The following UTS2 variants were observed in gnomAD, a reference collection of about 807,000 sequenced individuals.
UTS2 encodes urotensin 2, also known as urotensin-2.
In UTS2, 10 loss-of-function variants were observed where a neutral mutation model predicts 12.6. The observed-to-expected ratio is 0.80, with a 90% CI of 0.49 to 1.35. UTS2 has a LOEUF of 1.35. UTS2 is among the 40% of genes most tolerant of loss of function. The pLI, the probability that UTS2 is intolerant of heterozygous loss-of-function variation, is 0.00. For synonymous variants in UTS2, 52 were observed against 50.0 expected (o/e 1.04, Z -0.17); for missense variants, 142 against 143.2 (o/e 0.99, Z 0.04).
At chr1:7,861,915 CTT>C in the UTS2 span, among the ~76,000 whole-genome samples, 6 of 142,962 alleles carry the variant, frequency 4.2e-5, no homozygotes, top group African/African-American at 1.5e-4. Flanking sequence ...CAAAACACCT[CTT>C]TTTTTTTTTT....
chr1:7,879,627 G>A, the UTS2 span, among the ~76,000 whole-genome samples: 1 of 152,136 alleles, frequency 6.6e-6, no homozygotes. Context: ...TGTAGTTCTA[G>A]CTACTTGGGT....
At chr1:7,902,199 C>CTCT in the UTS2 span, among the ~76,000 whole-genome samples, 1 of 152,078 alleles carries the variant, frequency 6.6e-6, no homozygotes, top group Admixed American at 6.6e-5. Flanking sequence ...TATCTCTGCC[C>CTCT]CCGGGTGAGG....
the UTS2 span, among the ~76,000 whole-genome samples, chr1:7,859,237 T>C: frequency 1.7e-3 from 254 of 152,246 alleles, 4 homozygotes; most frequent in East Asian, 0.042. Flanking sequence ...AGATAGACTT[T>C]TAATTTATAT....
At chr1:7,849,513 G>T in intron 3 of UTS2, 127 bp downstream of exon 3, 1 of 876,244 alleles carries the variant, frequency 1.1e-6, no homozygotes, top group Non-Finnish European at 1.7e-6. Context: ...GCCTGGTCAT[G>T]CTGGCCAATT....
chr1:7,877,297 A>C, the UTS2 span, among the ~76,000 whole-genome samples: 1 of 152,194 alleles, frequency 6.6e-6, no homozygotes, highest in South Asian at 2.1e-4. Context: ...AGAATTCAAA[A>C]GTATGCTATA....
the UTS2 span, among the ~76,000 whole-genome samples, chr1:7,872,305 AAAAAAAAAAAAAAAGG>A: frequency 6.8e-6 from 1 of 146,512 alleles, no homozygotes; most frequent in Non-Finnish European, 1.5e-5. Flanking sequence ...GTCTCAAAAA[AAAAAAAAAAAAAAAGG>A]AAAAGAAAAA....
chr1:7,904,086 T>A, the UTS2 span, among the ~76,000 whole-genome samples: 5 of 152,172 alleles, frequency 3.3e-5, no homozygotes, highest in African/African-American at 7.2e-5. Flanking sequence ...AATAAATTTA[T>A]CTTACAATAT....
chr1:7,849,463 G>A (rs1045177578), intron 3 of UTS2, among the ~76,000 whole-genome samples, 177 bp downstream of exon 3: 26 of 151,942 alleles, frequency 1.7e-4, no homozygotes, highest in East Asian at 1.4e-3. Context: ...CGCCCGCCTC[G>A]GCCTCCCAAA....
chr1:7,848,072 C>A (rs758190955), intron 3 of UTS2, among the ~76,000 whole-genome samples, 190 bp from the exon 4 acceptor site: 19 of 152,168 alleles, frequency 1.2e-4, no homozygotes, highest in Admixed American at 2.6e-4. Flanking sequence ...CACCTCCCTA[C>A]CTCTAATGAG....
intron 3 of UTS2, among the ~76,000 whole-genome samples, chr1:7,849,164 T>C (rs190675068): frequency 1.3e-5 from 2 of 152,126 alleles, no homozygotes; most frequent in Admixed American, 1.3e-4. Context: ...TCAGATCTTA[T>C]ATCAATCAAA....
At chr1:7,871,453 C>T in the UTS2 span, among the ~76,000 whole-genome samples, 3 of 152,190 alleles carry the variant, frequency 2.0e-5, no homozygotes, top group Non-Finnish European at 4.4e-5. Context: ...CTGCACCCCA[C>T]AATGTGCTGT....
the UTS2 span, among the ~76,000 whole-genome samples, chr1:7,896,321 T>C: frequency 6.6e-6 from 1 of 152,000 alleles, no homozygotes; most frequent in African/African-American, 2.4e-5. Flanking sequence ...GATGGATTAA[T>C]TAAGACAGAG....
At chr1:7,906,508 A>AAAG in the UTS2 span, among the ~76,000 whole-genome samples, 16 of 150,364 alleles carry the variant, frequency 1.1e-4, no homozygotes, top group Non-Finnish European at 2.2e-4. Context: ...AGAAAGAAAG[A>AAAG]AAAGAGGGAG....
chr1:7,905,454 G>A, the UTS2 span, among the ~76,000 whole-genome samples: 8,796 of 150,352 alleles, frequency 0.059, 846 homozygotes, highest in African/African-American at 0.2. Context: ...TAATTAACAT[G>A]TATTAGGTTG....
At chr1:7,853,171 A>C, upstream of UTS2, 1 of 1,501,600 alleles carries the variant, frequency 6.7e-7, no homozygotes, top group Non-Finnish European at 8.9e-7. Context: ...GCTAAAAGGC[A>C]ATCACTTTGC....
the UTS2 span, among the ~76,000 whole-genome samples, chr1:7,882,414 T>C: frequency 2.6e-5 from 4 of 152,118 alleles, no homozygotes; most frequent in African/African-American, 9.7e-5. Context: ...TCTCTCCCCA[T>C]ATACAAAAAT....
rs781114530 is a variant in UTS2, at chr1:7,847,800, T to C, written c.341A>G (p.Glu114Gly). Residue 114 changes from glutamate to glycine, a missense_variant, in exon 4 of 4, where the codon GAG becomes GGG. Coordinates refer to ENST00000361696, the MANE Select transcript of UTS2 (RefSeq NM_006786.4). Reference protein sequence around the residue: ...ARIWKPYKKRETPDCFWKYCV With the variant: ...ARIWKPYKKRGTPDCFWKYCV The stretch of plus-strand genomic sequence containing the variant: ...GTATTTCCAGAAGCAATCAGGAGTC[T>C]CACGTTTCTTGTATGGTTTCCAGAT... The C allele has an allele frequency of 3.1e-6, 5 of 1,613,888 alleles. No homozygotes were observed. In the African/African-American group the frequency reaches 5.3e-5, roughly 17 times the overall value.
At chr1:7,888,383 A>G in the UTS2 span, among the ~76,000 whole-genome samples, 3 of 141,560 alleles carry the variant, frequency 2.1e-5, no homozygotes, top group Non-Finnish European at 4.6e-5. Context: ...ACCCCACCCC[A>G]TCAGGACCCC....
At chr1:7,908,921 C>G in the UTS2 span, among the ~76,000 whole-genome samples, 2 of 151,952 alleles carry the variant, frequency 1.3e-5, no homozygotes, top group African/African-American at 4.8e-5. Flanking sequence ...ATTCTTCTGC[C>G]TCAGCCTCCC....
Sources: allele counts gnomAD v4.1 joint callset (sites outside exome capture counted in the v4.1 genomes callset), GRCh38; gene constraint gnomAD v4.1.1; transcripts MANE v1.5; gene names NCBI Gene and HGNC (gene_info 2026-07-23, HGNC 2026-07-21).